NOSTRIN: variants seen among roughly 807,000 people sequenced by gnomAD.
The protein encoded by NOSTRIN is BM247 homolog.
Under a neutral mutation model 59.0 loss-of-function variants are expected in NOSTRIN, and 63 were observed. The observed-to-expected ratio is 1.07, with a 90% CI of 0.87 to 1.32. NOSTRIN has a LOEUF of 1.32. NOSTRIN is among the 40% of genes most tolerant of loss of function. The pLI is 0.00. For synonymous variants in NOSTRIN, 200 were observed against 165.4 expected, an observed-to-expected ratio of 1.21 and a Z score of -1.61; for missense variants, 512 against 473.1, an observed-to-expected ratio of 1.08 and a Z score of -0.76.
intron 2 of NOSTRIN, among the ~76,000 whole-genome samples, chr2:168,817,761 C>G (rs939559801): frequency 6.6e-6 from 1 of 152,204 alleles, no homozygotes; most frequent in Admixed American, 6.5e-5. Context: ...AGGTCTTATC[C>G]TCCTATTTCA....
intron 7 of NOSTRIN, among the ~76,000 whole-genome samples, chr2:168,839,430 A>G (rs2105699071): frequency 6.6e-6 from 1 of 152,246 alleles, no homozygotes; most frequent in Non-Finnish European, 1.5e-5. Context: ...GTCCCTGACT[A>G]GAGAGGGAGC....
At chr2:168,794,748 A>T (rs1685439656), upstream of NOSTRIN, among the ~76,000 whole-genome samples, 4 of 150,512 alleles carry the variant, frequency 2.7e-5, no homozygotes, top group South Asian at 4.2e-4. Context: ...AAAATGGCTT[A>T]AAAAAATTAA....
intron 2 of NOSTRIN, among the ~76,000 whole-genome samples, chr2:168,820,111 A>T (rs1363213680): frequency 2.6e-5 from 4 of 152,156 alleles, no homozygotes; most frequent in Admixed American, 1.3e-4. Flanking sequence ...CTTCTCCCAC[A>T]ATTCTCCATC....
upstream of NOSTRIN, among the ~76,000 whole-genome samples, chr2:168,794,783 T>C (rs1685440878): frequency 1.3e-5 from 2 of 151,822 alleles, no homozygotes; most frequent in Non-Finnish European, 2.9e-5. Context: ...AAAATTCATA[T>C]GGGATCTTAC....
rs1553527219 is a variant in NOSTRIN, at chr2:168,834,509, A to ACACACACACGTG, written c.504+193_504+194insGTGCACACACAC. Among the ~76,000 whole-genome samples the ACACACACACGTG allele has an allele frequency of 9.6e-5, 4 of 41,630 alleles. No homozygotes were observed. In the Admixed American group the frequency reaches 1.6e-3, roughly 17 times the overall value. The allele number at this position is 41,630 out of a possible 152,430, so 27.3% of individuals were successfully genotyped here. ...CTGGCGTGCGCGCGCGCGCGCGCGC[A>ACACACACACGTG]CACACACACACACACACACACACAC... On this transcript the variant is annotated intron_variant, in intron 7 of 15. Coordinates refer to ENST00000317647, the MANE Select transcript of NOSTRIN (RefSeq NM_001039724.4).
upstream of NOSTRIN, among the ~76,000 whole-genome samples, chr2:168,793,583 C>T (rs1009566886): frequency 6.6e-6 from 1 of 152,098 alleles, no homozygotes; most frequent in Admixed American, 6.5e-5. Context: ...TGCACTCCAG[C>T]CTGAGTGACA....
upstream of NOSTRIN, among the ~76,000 whole-genome samples, chr2:168,799,204 C>G (rs1053831537): frequency 1.3e-5 from 2 of 152,196 alleles, no homozygotes; most frequent in East Asian, 1.9e-4. Context: ...CCACTTGAAA[C>G]TATGCTCTTG....
chr2:168,797,547 A>G (rs555713593), upstream of NOSTRIN, among the ~76,000 whole-genome samples: 1 of 152,362 alleles, frequency 6.6e-6, no homozygotes, highest in African/African-American at 2.4e-5. Flanking sequence ...GGGCCAACAT[A>G]AAGCTATAAG....
At chr2:168,816,519 G>A (rs1686414681) in intron 2 of NOSTRIN, among the ~76,000 whole-genome samples, 1 of 152,008 alleles carries the variant, frequency 6.6e-6, no homozygotes, top group East Asian at 1.9e-4. Context: ...CCACACGTGG[G>A]TCCCTGCATT....
chr2:168,812,943 G>A (rs190119650), intron 2 of NOSTRIN, among the ~76,000 whole-genome samples: 32 of 152,280 alleles, frequency 2.1e-4, no homozygotes, highest in Admixed American at 6.5e-4. Flanking sequence ...GCCAAAGAAA[G>A]ATATGAGCGA....
chr2:168,847,113 T>A (rs961844467), intron 8 of NOSTRIN, among the ~76,000 whole-genome samples: 1 of 152,138 alleles, frequency 6.6e-6, no homozygotes, highest in Non-Finnish European at 1.5e-5. Flanking sequence ...TATGAAATAA[T>A]TAAAGTGGTA....
chr2:168,850,336 A>T (rs1307861439), intron 8 of NOSTRIN, among the ~76,000 whole-genome samples: 1 of 152,234 alleles, frequency 6.6e-6, no homozygotes, highest in African/African-American at 2.4e-5. Context: ...TAAAGAGGCT[A>T]TGTGTCTACC....
At chr2:168,852,690 T>G (rs1688842140) in intron 10 of NOSTRIN, among the ~76,000 whole-genome samples, 1 of 152,136 alleles carries the variant, frequency 6.6e-6, no homozygotes, top group Non-Finnish European at 1.5e-5. Context: ...AACAAGACGG[T>G]AGAAGGCAGA....
intron 10 of NOSTRIN, among the ~76,000 whole-genome samples, chr2:168,852,906 C>T (rs1397530224): frequency 2.0e-5 from 3 of 152,126 alleles, no homozygotes; most frequent in East Asian, 1.9e-4. Flanking sequence ...ATGGGGAAAG[C>T]GCTTTTTTTC....
At chr2:168,800,561 C>T (rs993826428), upstream of NOSTRIN, among the ~76,000 whole-genome samples, 2 of 152,110 alleles carry the variant, frequency 1.3e-5, no homozygotes, top group African/African-American at 4.8e-5. Context: ...GAAAGCTAGT[C>T]AGCCCACTGG....
upstream of NOSTRIN, among the ~76,000 whole-genome samples, chr2:168,800,910 T>TAAA (rs71997437): frequency 0.043 from 5,874 of 137,800 alleles, 223 homozygotes; most frequent in Admixed American, 0.099. Flanking sequence ...AAATTTCTTT[T>TAAA]AAAAAAAAAA....
chr2:168,828,301 T>C, intron 4 of NOSTRIN, 81 bp downstream of exon 4: 1 of 870,374 alleles, frequency 1.1e-6, no homozygotes, highest in Non-Finnish European at 2.0e-6. Flanking sequence ...ATATTCCACT[T>C]CCAACTTGCA....
At chr2:168,861,777 A>AAAGT (rs1689466674) in intron 14 of NOSTRIN, among the ~76,000 whole-genome samples, 183 bp from the exon 15 acceptor site, 1 of 152,246 alleles carries the variant, frequency 6.6e-6, no homozygotes, top group Non-Finnish European at 1.5e-5. Flanking sequence ...ATACATATAG[A>AAAGT]AAGTGCATCA....
Position 168,865,193 on chromosome 2 carries a change from G to C in NOSTRIN, c.*223G>C. ...GGAAGAGGCTCCTTGGTTCCTAGAG[G>C]AGTTTCCAAATTCTAGGAGACCCTA... On this transcript the variant is annotated 3_prime_UTR_variant, in exon 16 of 16. Coordinates refer to ENST00000317647, the MANE Select transcript of NOSTRIN (RefSeq NM_001039724.4). The C allele has an allele frequency of 1.9e-6, 1 of 528,920 alleles. No homozygotes were observed. 32.8% of individuals were successfully genotyped at this position (528,920 alleles called of 1,614,324 possible).
Sources: gnomAD v4.1 joint callset for allele counts (sites outside exome capture counted in the v4.1 genomes callset) on GRCh38, gnomAD v4.1.1 for gene constraint, MANE v1.5 for transcripts, NCBI Gene and HGNC (gene_info 2026-07-23, HGNC 2026-07-21) for gene names.